Variants in B3GNT7 observed in about 807,000 individuals in gnomAD.
B3GNT7 encodes the protein UDP-GlcNAc:betaGal beta-1,3-N-acetylglucosaminyltransferase 7.
B3GNT7 carries 9 observed loss-of-function variants against 5.1 expected under a neutral mutation model. The ratio of observed to expected loss-of-function variants is 1.77; its 90% CI spans 1.07 to 3.09. B3GNT7 has a LOEUF of 3.09. B3GNT7 is among the 30% of genes most tolerant of loss of function. The probability of loss-of-function intolerance (pLI) is 0.00; values close to 1 mark genes in which losing one functional copy is unlikely to be tolerated. For missense variants in B3GNT7, 468 were observed against 550.8 expected, an observed-to-expected ratio of 0.85 and a Z score of 1.50; for synonymous variants, 253 against 248.6, an observed-to-expected ratio of 1.02 and a Z score of -0.17.
rs1451179131 is a variant in B3GNT7, at chr2:231,400,246, G to A, written c.*1321G>A. ...GTGGGTGCACAAGGACTTCTGGAAG[G>A]GATTTAGACGGGGCTGAGTGCTAGG... On this transcript the variant is annotated 3_prime_UTR_variant, in exon 2 of 2. Transcript: ENST00000287590. The A allele has an allele frequency of 6.6e-6, 1 of 152,030 alleles. No homozygotes were observed. Among genetic ancestry groups the A allele is most frequent in the African/African-American group, 2.4e-5 (1 of 41,330 alleles). 9.4% of individuals were successfully genotyped at this position (152,030 alleles called of 1,614,324 possible).
chr2:231,398,822 G>T lies in B3GNT7; in HGVS notation c.1103G>T (p.Arg368Leu). 6.2e-7 allele frequency: 1 copy of T among 1,603,800 alleles called. No individual in the cohort carries two copies. The highest frequency in any genetic ancestry group is 1.3e-5 in the African/African-American group (1 of 75,066). ...SRMNKEPCFF[R>L]AMLVVHKLLP... ...ATGAACAAGGAGCCGTGCTTTTTCC[G>T]CGCCATGCTCGTGGTGCACAAGCTG... The change falls in exon 2 of 2, where the codon CGC becomes CTC. Residue 368 changes from arginine to leucine, a missense_variant. By Grantham distance (102) the Arg-to-Leu change is moderately radical (BLOSUM62 -2). Transcript: ENST00000287590.
rs764620549 is a variant in B3GNT7, at chr2:231,400,502, C to T, written c.*1577C>T. The stretch of plus-strand genomic sequence containing the variant: ...GCTCCCTGACATCCCTTCCAGGCAA[C>T]CTGAAAGCACTGAAATAGCTTATGG... On this transcript the variant is annotated 3_prime_UTR_variant, in exon 2 of 2. Coordinates refer to ENST00000287590, the MANE Select transcript of B3GNT7 (RefSeq NM_145236.3). 1 of 152,274 alleles carries T rather than the reference C, an allele frequency of 6.6e-6. No individual in the cohort carries two copies. Among genetic ancestry groups the T allele is most frequent in the Non-Finnish European group, 1.5e-5 (1 of 68,094 alleles). 9.4% of individuals were successfully genotyped at this position (152,274 alleles called of 1,614,324 possible).
chr2:231,398,277 C>CA lies in B3GNT7; in HGVS notation c.559dup (p.Thr187AsnfsTer56). ...GCACGGCCTCCAAGCAGGAGGAGCG[C>CA]ACGCACTACCAGCAGCTGCTGGCCT... On this transcript the variant is annotated frameshift_variant, in exon 2 of 2. Coordinates refer to ENST00000287590, the MANE Select transcript of B3GNT7 (RefSeq NM_145236.3). LOFTEE classifies it low-confidence loss of function (END_TRUNC). 1 of 1,612,942 alleles carries CA rather than the reference C, an allele frequency of 6.2e-7. No individual in the cohort carries two copies. Among genetic ancestry groups the CA allele is most frequent in the Non-Finnish European group, 8.5e-7 (1 of 1,179,842 alleles).
At chr2:231,396,445 A>AC (rs906520412) in intron 1 of B3GNT7, among the ~76,000 whole-genome samples, 1 of 150,454 alleles carries the variant, frequency 6.6e-6, no homozygotes, top group Non-Finnish European at 1.5e-5. Flanking sequence ...CTTGGGTCAC[A>AC]CCCCCCAGCC....
Position 231,399,228 on chromosome 2 carries a change from A to T in B3GNT7, c.*303A>T. ...CTGGGTCCGTTGCTGGCCCCCTCAG[A>T]TGTGGTGGGAGGTCCTGGTGACCTC... On this transcript the variant is annotated 3_prime_UTR_variant, in exon 2 of 2. Coordinates refer to ENST00000287590, the MANE Select transcript of B3GNT7 (RefSeq NM_145236.3). 1 of 422,188 alleles carries T rather than the reference A, an allele frequency of 2.4e-6. No homozygotes were observed. Among genetic ancestry groups the T allele is most frequent in the Admixed American group, 4.0e-5 (1 of 25,300 alleles). The allele number at this position is 422,188 out of a possible 1,614,324, so 26.2% of individuals were successfully genotyped here. A position where few individuals can be genotyped will look rare whatever the true frequency, so the allele number is the denominator to read the frequency against.
rs932132929 is a variant in B3GNT7 at position 231,397,679 on chromosome 2, G to A, written c.12-52G>A. On this transcript the variant is annotated intron_variant, in intron 1 of 1. Coordinates refer to ENST00000287590, the MANE Select transcript of B3GNT7 (RefSeq NM_145236.3). ...GCCTCCCAAGGGGGGCGCCAGGAGA[G>A]CCCTGGGCTCATCTTTTCTCTCTCC... 5.3e-6 allele frequency: 8 copies of A among 1,505,432 alleles called. No homozygotes were observed. In the African/African-American group the frequency reaches 1.1e-4, roughly 21 times the overall value. 93.3% of individuals were successfully genotyped at this position (1,505,432 alleles called of 1,614,324 possible). A position where few individuals can be genotyped will look rare whatever the true frequency, so the allele number is the denominator to read the frequency against.
chr2:231,395,887 C>A lies in B3GNT7; in HGVS notation c.11+73C>A. The A allele has an allele frequency of 9.6e-7, 1 of 1,046,152 alleles. No homozygotes were observed. Among genetic ancestry groups the A allele is most frequent in the Non-Finnish European group, 1.2e-6 (1 of 840,874 alleles). 64.8% of individuals were successfully genotyped at this position (1,046,152 alleles called of 1,614,324 possible). A position where few individuals can be genotyped will look rare whatever the true frequency, so the allele number is the denominator to read the frequency against. On this transcript the variant is annotated intron_variant, in intron 1 of 1. Transcript: ENST00000287590. The surrounding 1 kb of genome is among the most constrained non-coding windows in gnomAD (Gnocchi z 7.3). ...CGGGGCTCCCCCTCCTCCGTGGCCA[C>A]AGACGGGCGCCGGGACTCCCGGGAT... is the stretch of plus-strand genomic sequence containing the variant.
Position 231,397,875 on chromosome 2 carries a change from T to C in B3GNT7, c.156T>C (p.Asn52=). ...TLEPQKAQKP[N]GQLVNPNNFW... is the part of the protein sequence containing the mutation. ...AGCCACAGAAGGCCCAGAAGCCAAA[T>C]GGACAGCTGGTGAACCCCAACAACT... is the stretch of plus-strand genomic sequence containing the variant. The change falls in exon 2 of 2, where the codon AAT becomes AAC. Residue 52 remains asparagine (N), a synonymous_variant. Coordinates refer to ENST00000287590, the MANE Select transcript of B3GNT7 (RefSeq NM_145236.3). 4.3e-6 allele frequency: 7 copies of C among 1,613,822 alleles called. No individual in the cohort carries two copies. The highest frequency in any genetic ancestry group is 5.9e-6 in the Non-Finnish European group (7 of 1,179,870).
chr2:231,396,048 C>T (rs1320823670), intron 1 of B3GNT7, among the ~76,000 whole-genome samples: 1 of 151,914 alleles, frequency 6.6e-6, no homozygotes, highest in Non-Finnish European at 1.5e-5. Flanking sequence ...GGTCTCGGGG[C>T]GCCGCGCTCA....
intron 1 of B3GNT7, among the ~76,000 whole-genome samples, chr2:231,396,897 G>C (rs1011219648): frequency 6.6e-6 from 1 of 152,200 alleles, no homozygotes; most frequent in African/African-American, 2.4e-5. Context: ...GTTGGGGTGG[G>C]GGGGTCTCTG....
At chr2:231,397,655 C>A in intron 1 of B3GNT7, 76 bp from the exon 2 acceptor site, 1 of 1,395,168 alleles carries the variant, frequency 7.2e-7, no homozygotes, top group Non-Finnish European at 9.6e-7. Context: ...GACCACCCAG[C>A]CTCCCAAGGG....
chr2:231,397,916 A>T lies in B3GNT7; in HGVS notation c.197A>T (p.Lys66Ile). 6.2e-7 allele frequency: 1 copy of T among 1,613,722 alleles called. No individual in the cohort carries two copies. The highest frequency in any genetic ancestry group is 1.1e-5 in the South Asian group (1 of 91,084). ...VNPNNFWKNPKDVAAPTPMAS... is the reference protein window; with the variant it reads ...VNPNNFWKNPIDVAAPTPMAS... ...CCCAACAACTTCTGGAAGAACCCGA[A>T]AGATGTGGCTGCGCCCACGCCCATG... Residue 66 changes from lysine to isoleucine, a missense_variant, in exon 2 of 2, where the codon AAA becomes ATA. Transcript: ENST00000287590.
In B3GNT7 at chr2:231,395,799, C is replaced by G; in HGVS notation, c.-5C>G. ...CGCCCCTCCGCCGCTCCGGCCCGGG[C>G]CGCCATGTCGCTGTGGTGAGTGGGG... On this transcript the variant is annotated 5_prime_UTR_variant, in exon 1 of 2. Coordinates refer to ENST00000287590, the MANE Select transcript of B3GNT7 (RefSeq NM_145236.3). This position sits in a 1 kb window ranked among gnomAD's most constrained non-coding sequence, Gnocchi z 7.3. 8.5e-7 allele frequency: 1 copy of G among 1,171,648 alleles called. No homozygotes were observed. The highest frequency in any genetic ancestry group is 1.1e-6 in the Non-Finnish European group (1 of 949,954). The allele number at this position is 1,171,648 out of a possible 1,614,324, so 72.6% of individuals were successfully genotyped here.
Position 231,398,906 on chromosome 2 carries a change from G to T in B3GNT7, c.1187G>T (p.Arg396Leu), listed in dbSNP as rs200686775. 2 of 1,581,880 alleles carry T rather than the reference G, an allele frequency of 1.3e-6. No individual in the cohort carries two copies. Among genetic ancestry groups the T allele is most frequent in the South Asian group, 1.1e-5 (1 of 88,526 alleles). Residue 396 changes from arginine to leucine, a missense_variant, in exon 2 of 2, where the codon CGC becomes CTC. Physicochemically the swap from Arg to Leu is moderately radical, Grantham distance 102 (BLOSUM62 -2). Coordinates refer to ENST00000287590, the MANE Select transcript of B3GNT7 (RefSeq NM_145236.3). ...GTGCACAGCAATCTCACCTGCTCCC[G>T]CAAGCTCCAGGTGCTCTGACCCCAG... ...GLVHSNLTCS[R>L]KLQVL is the part of the protein sequence containing the mutation.
chr2:231,396,614 C>T (rs1196376055), intron 1 of B3GNT7, among the ~76,000 whole-genome samples: 1 of 152,246 alleles, frequency 6.6e-6, no homozygotes, highest in Non-Finnish European at 1.5e-5. Context: ...TCTCCACGGG[C>T]TGCCTGTCTC....
In B3GNT7 at chr2:231,399,489, G is replaced by A. The variant is rs2046545578; in HGVS notation, c.*564G>A. 1 of 154,722 alleles carries A rather than the reference G, an allele frequency of 6.5e-6. No homozygotes were observed. Among genetic ancestry groups the A allele is most frequent in the Non-Finnish European group, 1.4e-5 (1 of 69,928 alleles). The allele number at this position is 154,722 out of a possible 1,614,324, so 9.6% of individuals were successfully genotyped here. ...CTCCGCAGCCCCAGGCCTGCCTGGA[G>A]ACGGGCCGCCTCTGCCACAGGGCCT... On this transcript the variant is annotated 3_prime_UTR_variant, in exon 2 of 2. Transcript: ENST00000287590.
Position 231,397,807 on chromosome 2 carries a change from AC to A in B3GNT7, c.92del (p.Pro31LeufsTer26). The A allele has an allele frequency of 6.2e-7, 1 of 1,613,630 alleles. No individual in the cohort carries two copies. The highest frequency in any genetic ancestry group is 8.5e-7 in the Non-Finnish European group (1 of 1,179,844). On this transcript the variant is annotated frameshift_variant, in exon 2 of 2. Coordinates refer to ENST00000287590, the MANE Select transcript of B3GNT7 (RefSeq NM_145236.3). LOFTEE classifies it low-confidence loss of function (END_TRUNC). Reference protein sequence around the residue: ...VAVTVFQRSLTPGQFLQEPPP... With the variant: ...VAVTVFQRSLXPGQFLQEPPP... ...CGTGACGGTGTTCCAACGCAGTCTC[AC>A]CCCTGGTCAGTTTCTGCAGGAGCCT...
rs1472778560 is a variant in B3GNT7 at position 231,401,159 on chromosome 2, CT to C, written c.*2237del. On this transcript the variant is annotated 3_prime_UTR_variant, in exon 2 of 2. Coordinates refer to ENST00000287590, the MANE Select transcript of B3GNT7 (RefSeq NM_145236.3). Reference sequence around the variant, plus strand: ...CCGGCCGAATAAAAACCTCTTCCTTCTTTAATCCGGTGTCTGAGGAGTTTTG... The same window carrying C: ...CCGGCCGAATAAAAACCTCTTCCTTCTTAATCCGGTGTCTGAGGAGTTTTG... 2.6e-5 allele frequency: 4 copies of C among 152,252 alleles called. No homozygotes were observed. Among genetic ancestry groups the C allele is most frequent in the Non-Finnish European group, 5.9e-5 (4 of 68,042 alleles). The allele number at this position is 152,252 out of a possible 1,614,324, so 9.4% of individuals were successfully genotyped here.
intron 1 of B3GNT7, chr2:231,397,324 G>C (rs990838170): frequency 7.5e-6 from 7 of 932,558 alleles, no homozygotes; most frequent in Non-Finnish European, 9.0e-6. Flanking sequence ...CAGGCGTGGG[G>C]AACAGGGCAG....
Sources: allele counts gnomAD v4.1 joint callset (sites outside exome capture counted in the v4.1 genomes callset), GRCh38; gene constraint gnomAD v4.1.1; non-coding constraint Gnocchi (gnomAD v3.1); transcripts MANE v1.5; gene names NCBI Gene and HGNC (gene_info 2026-07-23, HGNC 2026-07-21).